DDX60L: variants seen among roughly 807,000 people sequenced by gnomAD.
DDX60L encodes the protein probable ATP-dependent RNA helicase DDX60-like.
Under a neutral mutation model 211.6 loss-of-function variants are expected in DDX60L, and 191 were observed. The observed-to-expected ratio is 0.90, with a 90% CI of 0.80 to 1.02. DDX60L has a LOEUF of 1.02. DDX60L is among the 50% of genes least tolerant of loss of function. DDX60L has a pLI of 0.00. For missense variants in DDX60L, 2,007 were observed against 1,984.1 expected, an observed-to-expected ratio of 1.01 and a Z score of -0.22; for synonymous variants, 706 against 694.1, an observed-to-expected ratio of 1.02 and a Z score of -0.27.
chr4:168,362,890 G>T (rs935163940), intron 36 of DDX60L, among the ~76,000 whole-genome samples: 1 of 152,070 alleles, frequency 6.6e-6, no homozygotes, highest in East Asian at 1.9e-4. Flanking sequence ...GAGATATTTT[G>T]TTATTATTAT....
chr4:168,397,982 C>T (rs1746118036), intron 26 of DDX60L, among the ~76,000 whole-genome samples: 1 of 152,150 alleles, frequency 6.6e-6, no homozygotes, highest in Admixed American at 6.5e-5. Context: ...GGAATAGCTG[C>T]AGCCACCCAA....
intron 35 of DDX60L, among the ~76,000 whole-genome samples, chr4:168,372,932 ATAATT>A: frequency 6.6e-6 from 1 of 152,212 alleles, no homozygotes; most frequent in African/African-American, 2.4e-5. Context: ...AAACTTTTAA[ATAATT>A]TAACAGTTCT....
chr4:168,368,988 T>C (rs1443655247), intron 36 of DDX60L, among the ~76,000 whole-genome samples: 1 of 152,212 alleles, frequency 6.6e-6, no homozygotes, highest in African/African-American at 2.4e-5. Context: ...ACTTGCCTTG[T>C]ATCAGATAAG....
intron 1 of DDX60L, among the ~76,000 whole-genome samples, chr4:168,477,266 T>G (rs188231919): frequency 6.6e-6 from 1 of 151,938 alleles, no homozygotes; most frequent in Non-Finnish European, 1.5e-5. Flanking sequence ...ATACAAAAAA[T>G]TAGCCGGGCG....
intron 13 of DDX60L, 21 bp downstream of exon 13, chr4:168,430,457 G>C (rs1752173704): frequency 6.5e-7 from 1 of 1,550,066 alleles, no homozygotes; most frequent in Non-Finnish European, 8.7e-7. Flanking sequence ...AAAAAAATTA[G>C]GTAAAATCTT....
At chr4:168,377,291 C>T (rs1449394428) in intron 33 of DDX60L, among the ~76,000 whole-genome samples, 1 of 110,700 alleles carries the variant, frequency 9.0e-6, no homozygotes, top group South Asian at 2.7e-4. Context: ...GACTCTGTCT[C>T]AAATAAATAA....
chr4:168,471,640 T>C lies in DDX60L; in HGVS notation c.264+107A>G, dbSNP rs574313263. 15 of 876,560 alleles carry C rather than the reference T, an allele frequency of 1.7e-5. No individual in the cohort carries two copies. The Admixed American group carries it at 3.7e-4, about 22-fold the overall frequency. The allele number at this position is 876,560 out of a possible 1,614,324, so 54.3% of individuals were successfully genotyped here. ...TTTCTTTTGTTAACCTGTCTTTTTATATTTTCTATGATGACATGCTTCATT... is the reference window on the plus strand; with the variant it reads ...TTTCTTTTGTTAACCTGTCTTTTTACATTTTCTATGATGACATGCTTCATT... On this transcript the variant is annotated intron_variant, in intron 4 of 37. Coordinates refer to ENST00000682922, the MANE Select transcript of DDX60L (RefSeq NM_001012967.3).
chr4:168,469,101 G>A (rs1758396392), intron 4 of DDX60L: 1 of 152,186 alleles, frequency 6.6e-6, no homozygotes, highest in African/African-American at 2.4e-5. Context: ...GTGTGGAAAT[G>A]CAGAGAACCT....
At chr4:168,464,465 A>T (rs1416180012) in intron 4 of DDX60L, among the ~76,000 whole-genome samples, 1 of 110,340 alleles carries the variant, frequency 9.1e-6, no homozygotes, top group Non-Finnish European at 1.9e-5. Flanking sequence ...TTTGGTAGAA[A>T]CAGGATCTCA....
chr4:168,422,829 G>A (rs1203501771), intron 15 of DDX60L, among the ~76,000 whole-genome samples, 159 bp from the exon 16 acceptor site: 2 of 151,924 alleles, frequency 1.3e-5, no homozygotes, highest in African/African-American at 2.4e-5. Context: ...AGGCTGGAGT[G>A]CAGTGACGCC....
At chr4:168,423,948 T>C (rs929644356) in intron 14 of DDX60L, among the ~76,000 whole-genome samples, 174 bp from the exon 15 acceptor site, 2 of 149,160 alleles carry the variant, frequency 1.3e-5, no homozygotes, top group African/African-American at 2.5e-5. Flanking sequence ...TAAATTAAAT[T>C]AAAACTCCAT....
Position 168,415,794 on chromosome 4 carries a change from A to G in DDX60L, c.2732T>C (p.Leu911Pro). The G allele has an allele frequency of 6.4e-7, 1 of 1,553,830 alleles. No individual in the cohort carries two copies. The highest frequency in any genetic ancestry group is 8.7e-7 in the Non-Finnish European group (1 of 1,150,330). ...TTTCCAGTACTGTTTTACTGATTGC[A>G]GCCACCTTACAGAATAAACATGCAT... is the stretch of plus-strand genomic sequence containing the variant. ...INNPNLLTKW[L>P]QSVKQYWKQA... is the part of the protein sequence containing the mutation. Residue 911 changes from leucine to proline, a missense_variant, in exon 21 of 38, where the codon CTG (leucine) becomes CCG (proline). Coordinates refer to ENST00000682922, the MANE Select transcript of DDX60L (RefSeq NM_001012967.3).
chr4:168,391,492 T>C, intron 29 of DDX60L, 48 bp downstream of exon 29: 3 of 1,253,508 alleles, frequency 2.4e-6, no homozygotes, highest in Non-Finnish European at 3.4e-6. Flanking sequence ...TGGTTCATTA[T>C]TTCAAACTCA....
At chr4:168,363,271 T>G (rs987970403) in intron 36 of DDX60L, among the ~76,000 whole-genome samples, 4 of 152,142 alleles carry the variant, frequency 2.6e-5, no homozygotes, top group African/African-American at 9.7e-5. Flanking sequence ...CTGAGGAAAT[T>G]TATCACTACT....
rs527775665 is a variant in DDX60L, at chr4:168,427,417, T to C, written c.1678-95A>G. 7.4e-6 allele frequency: 10 copies of C among 1,356,120 alleles called. No homozygotes were observed. The East Asian group carries it at 1.8e-4, about 25-fold the overall frequency. The allele number at this position is 1,356,120 out of a possible 1,614,324, so 84.0% of individuals were successfully genotyped here. On this transcript the variant is annotated intron_variant, in intron 13 of 37. Coordinates refer to ENST00000682922, the MANE Select transcript of DDX60L (RefSeq NM_001012967.3). ...TATTTTTTGTGCACTTACTGAGGAC[T>C]CTGGCCATCATTCTACTCGTGCACA... is the stretch of plus-strand genomic sequence containing the variant.
At chr4:168,445,463 G>C (rs1157719417) in intron 9 of DDX60L, among the ~76,000 whole-genome samples, 1 of 151,972 alleles carries the variant, frequency 6.6e-6, no homozygotes, top group African/African-American at 2.4e-5. Flanking sequence ...AGGAGGAACT[G>C]GTACCATTCC....
intron 36 of DDX60L, among the ~76,000 whole-genome samples, chr4:168,369,456 C>G (rs574873221): frequency 7.2e-5 from 10 of 138,910 alleles, no homozygotes; most frequent in Non-Finnish European, 1.4e-4. Context: ...AGTGTGAAAA[C>G]AAACTAATAC....
intron 23 of DDX60L, among the ~76,000 whole-genome samples, 187 bp downstream of exon 23, chr4:168,406,415 C>A (rs994572686): frequency 2.6e-5 from 4 of 152,086 alleles, no homozygotes; most frequent in Admixed American, 6.5e-5. Context: ...ACAGAATATT[C>A]CATGCTACGT....
chr4:168,443,167 C>T (rs1353166210), intron 9 of DDX60L, among the ~76,000 whole-genome samples: 2 of 151,902 alleles, frequency 1.3e-5, no homozygotes, highest in Non-Finnish European at 2.9e-5. Flanking sequence ...ATAACCAATA[C>T]AGAGAAGTGC....
Sources: gnomAD v4.1 joint callset for allele counts (sites outside exome capture counted in the v4.1 genomes callset) on GRCh38, gnomAD v4.1.1 for gene constraint, MANE v1.5 for transcripts, NCBI Gene and HGNC (gene_info 2026-07-23, HGNC 2026-07-21) for gene names.